GLI3: variants seen among roughly 807,000 people sequenced by gnomAD.
GLI3 encodes the protein transcription activator GLI3.
A neutral mutation model predicts 100.8 loss-of-function variants in GLI3; 20 were observed. That is an observed-to-expected ratio of 0.20 (90% confidence interval 0.14 to 0.29). The LOEUF (loss-of-function observed/expected upper bound fraction) is 0.29, where lower values mean the gene tolerates loss of function less well. Among genes scored for constraint, GLI3 ranks in the 10% least tolerant of loss-of-function variants. The pLI is 1.00. For synonymous variants in GLI3, 938 were observed against 860.5 expected (o/e 1.09, Z -1.58); for missense variants, 2,040 against 2,128.5 (o/e 0.96, Z 0.82).
chr7:42,190,753 T>G (rs946685231), intron 2 of GLI3, among the ~76,000 whole-genome samples: 1 of 152,130 alleles, frequency 6.6e-6, no homozygotes, highest in Non-Finnish European at 1.5e-5. Context: ...GTCAAAACTA[T>G]GTATGGACAC....
At chr7:42,187,708 C>T (rs1161591905) in intron 2 of GLI3, among the ~76,000 whole-genome samples, 1 of 151,950 alleles carries the variant, frequency 6.6e-6, no homozygotes, top group Non-Finnish European at 1.5e-5. Context: ...GGTGTCCTTA[C>T]GAGAAGGCCA....
In GLI3 at chr7:41,964,926, A is replaced by G; in HGVS notation, c.4147T>C (p.Tyr1383His). The G allele has an allele frequency of 6.2e-7, 1 of 1,613,762 alleles. No individual in the cohort carries two copies. Among genetic ancestry groups the G allele is most frequent in the Non-Finnish European group, 8.5e-7 (1 of 1,180,040 alleles). Residue 1383 changes from tyrosine to histidine, a missense_variant, in exon 15 of 15, where the codon TAC (tyrosine) becomes CAC (histidine). Coordinates refer to ENST00000395925, the MANE Select transcript of GLI3 (RefSeq NM_000168.6). ...CCCCCAAAGCTGGCACATGGCTGGT[A>G]GCCCCTGACAACTGCCAAGCTTGAC... The part of the protein sequence containing the change: ...QPSSLAVVRG[Y>H]QPCASFGGSR...
intron 3 of GLI3, among the ~76,000 whole-genome samples, chr7:42,142,858 G>C (rs887672563): frequency 6.9e-6 from 1 of 144,590 alleles, no homozygotes; most frequent in African/African-American, 2.6e-5. Flanking sequence ...AGAATGACAT[G>C]AACCCGGGAG....
At chr7:42,039,737 G>C (rs866440460) in intron 7 of GLI3, among the ~76,000 whole-genome samples, 5 of 152,198 alleles carry the variant, frequency 3.3e-5, no homozygotes, top group East Asian at 1.9e-4. Context: ...CAAGGAAAAG[G>C]CTGGATAAAA....
chr7:42,233,065 G>A (rs1315366774), intron 1 of GLI3, among the ~76,000 whole-genome samples: 17 of 152,278 alleles, frequency 1.1e-4, no homozygotes, highest in Admixed American at 7.2e-4. Flanking sequence ...TAAAGTTTGC[G>A]ATCAAATGTA....
rs1043791334 is a variant in GLI3 at position 42,179,916 on chromosome 7, A to T, written c.125-31448T>A. Among the ~76,000 whole-genome samples the T allele has an allele frequency of 1.3e-5, 2 of 152,220 alleles. 1 individual carries two copies. Among genetic ancestry groups the T allele is most frequent in the Middle Eastern group, 6.3e-3 (2 of 316 alleles). On this transcript the variant is annotated intron_variant, in intron 2 of 14. Coordinates refer to ENST00000395925, the MANE Select transcript of GLI3 (RefSeq NM_000168.6). ...AGATGTCTTGCAGATATCCAAACAG[A>T]AGTGTCTGATGGGCAGCTGATACAC...
chr7:41,966,732 G>A lies in GLI3; in HGVS notation c.2432-91C>T. The A allele has an allele frequency of 7.6e-7, 1 of 1,313,888 alleles. No individual in the cohort carries two copies. Among genetic ancestry groups the A allele is most frequent in the Non-Finnish European group, 1.1e-6 (1 of 918,720 alleles). The allele number at this position is 1,313,888 out of a possible 1,614,324, so 81.4% of individuals were successfully genotyped here. A position where few individuals can be genotyped will look rare whatever the true frequency, so the allele number is the denominator to read the frequency against. ...CATGAGCAACCCTTTTCTGTAAAGG[G>A]CCAGCTAGGAACTATTTCTGGTGTC... is the stretch of plus-strand genomic sequence containing the variant. On this transcript the variant is annotated intron_variant, in intron 14 of 14. Transcript: ENST00000395925. The surrounding 1 kb of genome is among the most constrained non-coding windows in gnomAD (Gnocchi z 5.8).
intron 1 of GLI3, among the ~76,000 whole-genome samples, chr7:42,256,037 C>T (rs1207727972): frequency 6.6e-6 from 1 of 152,096 alleles, no homozygotes; most frequent in African/African-American, 2.4e-5. Context: ...GTGGCTTTAA[C>T]TTTTGTTTCC....
At chr7:42,189,165 A>T (rs905490919) in intron 2 of GLI3, among the ~76,000 whole-genome samples, 1 of 152,206 alleles carries the variant, frequency 6.6e-6, no homozygotes, top group African/African-American at 2.4e-5. Context: ...CACTCTAAAA[A>T]ATAGTCTATT....
At position 42,048,632 on chromosome 7, in the gene GLI3, G is replaced by A. The variant is rs772526084; in HGVS notation, c.538C>T (p.Arg180Trp). The A allele has an allele frequency of 5.6e-6, 9 of 1,610,798 alleles. No homozygotes were observed. The highest frequency in any genetic ancestry group is 2.2e-5 in the South Asian group (2 of 90,830). ...DLPFIRISPH[R>W]NPTAASESPF... ...GACTCGGAAGCAGCAGTGGGGTTCC[G>A]GTGTGGGGAGATCCTAATGAAGGGC... Residue 180 changes from arginine (R) to tryptophan (W), a missense_variant, in exon 5 of 15, where the codon CGG (arginine) becomes TGG (tryptophan). Arg to Trp is a moderately radical substitution (Grantham distance 101, BLOSUM62 -3). Around this residue, in one of 5 missense-constraint regions of GLI3, gnomAD observed 603 missense variants for 690.9 expected, o/e 0.87. Transcript: ENST00000395925.
chr7:42,045,999 T>G, intron 5 of GLI3, among the ~76,000 whole-genome samples: 1 of 152,170 alleles, frequency 6.6e-6, no homozygotes, highest in Admixed American at 6.5e-5. Flanking sequence ...AAAGTCAGGG[T>G]TTACCAGTAT....
At chr7:42,107,519 C>G (rs537855228) in intron 3 of GLI3, among the ~76,000 whole-genome samples, 1 of 152,210 alleles carries the variant, frequency 6.6e-6, no homozygotes, top group Admixed American at 6.5e-5. Context: ...AGGCAGGGGA[C>G]AGCGAGAGTT....
intron 2 of GLI3, among the ~76,000 whole-genome samples, chr7:42,173,446 G>A (rs1481030672): frequency 5.9e-5 from 9 of 152,122 alleles, no homozygotes; most frequent in Non-Finnish European, 8.8e-5. Flanking sequence ...ACAGATCCAG[G>A]TAACGAGGGT....
chr7:42,102,427 C>T (rs958710693), intron 3 of GLI3, among the ~76,000 whole-genome samples: 4 of 152,208 alleles, frequency 2.6e-5, no homozygotes, highest in Admixed American at 2.6e-4. Context: ...TATGCCTCTA[C>T]AGCACCTGCT....
chr7:41,985,968 G>A (rs1293530132), intron 10 of GLI3, among the ~76,000 whole-genome samples: 2 of 152,192 alleles, frequency 1.3e-5, no homozygotes, highest in African/African-American at 4.8e-5. Flanking sequence ...AGCCTCTGCT[G>A]TGGGAGGGAT....
intron 3 of GLI3, among the ~76,000 whole-genome samples, chr7:42,131,417 A>G (rs1402255837): frequency 6.6e-6 from 1 of 152,234 alleles, no homozygotes; most frequent in Non-Finnish European, 1.5e-5. Flanking sequence ...GAGTAAGTGT[A>G]GATAAAGCAC....
At chr7:42,130,446 C>T (rs1217482062) in intron 3 of GLI3, among the ~76,000 whole-genome samples, 3 of 152,056 alleles carry the variant, frequency 2.0e-5, no homozygotes, top group African/African-American at 7.2e-5. Flanking sequence ...ATACAAAAGG[C>T]AAGAGCAAGA....
chr7:42,235,866 T>C (rs1053800237), intron 1 of GLI3, among the ~76,000 whole-genome samples: 4 of 152,184 alleles, frequency 2.6e-5, no homozygotes, highest in African/African-American at 9.7e-5. Flanking sequence ...TACATAAATA[T>C]ATGTACATAT....
intron 10 of GLI3, among the ~76,000 whole-genome samples, chr7:42,008,655 A>T (rs1010070387): frequency 1.3e-5 from 2 of 152,108 alleles, no homozygotes; most frequent in African/African-American, 4.8e-5. Flanking sequence ...TTCTTTCTCT[A>T]CCTGATCCAA....
Sources: allele counts gnomAD v4.1 joint callset (sites outside exome capture counted in the v4.1 genomes callset), GRCh38; gene constraint gnomAD v4.1.1; regional missense constraint gnomAD v4.1.1; non-coding constraint Gnocchi (gnomAD v3.1); transcripts MANE v1.5; gene names NCBI Gene and HGNC (gene_info 2026-07-23, HGNC 2026-07-21).